SLC35F1: variants seen among roughly 807,000 people sequenced by gnomAD.
SLC35F1 encodes the protein solute carrier family 35 member F1.
SLC35F1 carries 14 observed loss-of-function variants against 48.7 expected under a neutral mutation model. The ratio of observed to expected loss-of-function variants is 0.29; its 90% CI spans 0.19 to 0.45. The LOEUF (loss-of-function observed/expected upper bound fraction) is 0.45, where lower values mean the gene tolerates loss of function less well. Among genes scored for constraint, SLC35F1 ranks in the 20% least tolerant of loss-of-function variants. SLC35F1 has a pLI of 1.00. For synonymous variants in SLC35F1, 190 were observed against 202.2 expected (o/e 0.94, Z 0.51); for missense variants, 404 against 500.0 (o/e 0.81, Z 1.83).
At chr6:118,024,697 G>A (rs1006754655) in intron 1 of SLC35F1, among the ~76,000 whole-genome samples, 1 of 152,088 alleles carries the variant, frequency 6.6e-6, no homozygotes, top group Admixed American at 6.6e-5. Flanking sequence ...GAAATCACAT[G>A]AAATATTAAG....
chr6:117,942,438 T>C (rs764537268), intron 1 of SLC35F1, among the ~76,000 whole-genome samples: 1 of 152,350 alleles, frequency 6.6e-6, no homozygotes, highest in Non-Finnish European at 1.5e-5. Context: ...TTTTTAAAAC[T>C]TAATTAACAC....
rs544265205 is a variant in SLC35F1 at position 117,950,123 on chromosome 6, G to T, written c.173+42224G>T. Among the ~76,000 whole-genome samples the T allele has an allele frequency of 3.9e-5, 6 of 152,148 alleles. No homozygotes were observed. In the South Asian group the frequency reaches 1.2e-3, roughly 32 times the overall value. ...CTTGTTCTTTGGGGTGTTGTTTCTG[G>T]CCGTGGATTATTCATTTTCTTTAAT... On this transcript the variant is annotated intron_variant, in intron 1 of 7. Coordinates refer to ENST00000360388, the MANE Select transcript of SLC35F1 (RefSeq NM_001029858.4).
intron 1 of SLC35F1, among the ~76,000 whole-genome samples, chr6:118,054,395 A>G (rs921406761): frequency 1.3e-5 from 2 of 152,212 alleles, no homozygotes; most frequent in East Asian, 1.9e-4. Context: ...ATATATCATA[A>G]TGCAATTTCA....
intron 1 of SLC35F1, among the ~76,000 whole-genome samples, chr6:118,103,254 T>C (rs1773283019): frequency 3.3e-5 from 1 of 29,982 alleles, no homozygotes; most frequent in East Asian, 2.3e-3. Flanking sequence ...ACTGAGAACA[T>C]TTATTTATTT....
In SLC35F1 at chr6:118,315,480, C is replaced by T. The variant is rs920740375; in HGVS notation, c.*1228C>T. 4.1e-5 allele frequency: 6 copies of T among 146,826 alleles called. No homozygotes were observed. The highest frequency in any genetic ancestry group is 5.9e-5 in the Non-Finnish European group (4 of 67,254). The allele number at this position is 146,826 out of a possible 1,614,324, so 9.1% of individuals were successfully genotyped here. The stretch of plus-strand genomic sequence containing the variant: ...TTTGAGACGGAGTCTCACTCTGTCG[C>T]CCAGGCTGGAGTGCGGTGGCACGAT... On this transcript the variant is annotated 3_prime_UTR_variant, in exon 8 of 8. Coordinates refer to ENST00000360388, the MANE Select transcript of SLC35F1 (RefSeq NM_001029858.4).
At chr6:118,005,712 G>A (rs371952810) in intron 1 of SLC35F1, among the ~76,000 whole-genome samples, 83 of 152,198 alleles carry the variant, frequency 5.5e-4, no homozygotes, top group African/African-American at 1.3e-3. Context: ...CAATAAATAA[G>A]TATGCATTTG....
At chr6:117,925,217 C>T (rs1255093532) in intron 1 of SLC35F1, among the ~76,000 whole-genome samples, 1 of 152,048 alleles carries the variant, frequency 6.6e-6, no homozygotes, top group Non-Finnish European at 1.5e-5. Flanking sequence ...GAGTCCAGGG[C>T]ATGGAGATTG....
chr6:118,226,053 A>G (rs1004643948), intron 2 of SLC35F1, among the ~76,000 whole-genome samples: 1 of 152,212 alleles, frequency 6.6e-6, no homozygotes, highest in African/African-American at 2.4e-5. Context: ...TGATTTTAAA[A>G]TGGGAAAAGA....
intron 2 of SLC35F1, among the ~76,000 whole-genome samples, 156 bp downstream of exon 2, chr6:118,154,776 T>C (rs1774115386): frequency 6.6e-6 from 1 of 152,200 alleles, no homozygotes; most frequent in Admixed American, 6.5e-5. Flanking sequence ...GTAAACAAAA[T>C]GAGTGAATAA....
chr6:118,142,516 C>A (rs558787291), intron 1 of SLC35F1, among the ~76,000 whole-genome samples: 1 of 151,970 alleles, frequency 6.6e-6, no homozygotes. Context: ...TTGCCTTTTT[C>A]TCTGTTAAGC....
intron 7 of SLC35F1, among the ~76,000 whole-genome samples, chr6:118,308,875 G>T (rs1435817158): frequency 6.6e-6 from 1 of 152,116 alleles, no homozygotes; most frequent in Non-Finnish European, 1.5e-5. Flanking sequence ...TCAATGGCAG[G>T]CTTATATCCA....
intron 1 of SLC35F1, among the ~76,000 whole-genome samples, chr6:118,005,321 G>A (rs1777159907): frequency 6.6e-6 from 1 of 152,126 alleles, no homozygotes; most frequent in Non-Finnish European, 1.5e-5. Flanking sequence ...AGAAATTGTG[G>A]GGGCCATTGA....
chr6:117,989,356 C>A (rs1338851205), intron 1 of SLC35F1, among the ~76,000 whole-genome samples: 1 of 152,204 alleles, frequency 6.6e-6, no homozygotes, highest in Non-Finnish European at 1.5e-5. Flanking sequence ...AAGACTGTCA[C>A]CAGTGGAGGA....
intron 1 of SLC35F1, among the ~76,000 whole-genome samples, chr6:118,134,288 G>C (rs1773760377): frequency 1.4e-5 from 2 of 143,526 alleles, no homozygotes; most frequent in Non-Finnish European, 3.1e-5. Context: ...AAAGTAATTT[G>C]GCTGCATCTT....
At chr6:118,278,514 C>T (rs1775944702) in intron 6 of SLC35F1, among the ~76,000 whole-genome samples, 1 of 152,242 alleles carries the variant, frequency 6.6e-6, no homozygotes, top group South Asian at 2.1e-4. Context: ...ACATCATTCC[C>T]TCTGAAGGCA....
chr6:118,149,271 G>C (rs540217481), intron 1 of SLC35F1, among the ~76,000 whole-genome samples: 6 of 152,264 alleles, frequency 3.9e-5, no homozygotes, highest in Admixed American at 3.3e-4. Flanking sequence ...AAGGACCACA[G>C]ATCTACCATA....
intron 1 of SLC35F1, 108 bp downstream of exon 1, chr6:117,908,007 C>A: frequency 9.1e-7 from 1 of 1,095,992 alleles, no homozygotes; most frequent in Non-Finnish European, 1.2e-6. Flanking sequence ...GACGGGGTTG[C>A]GGCCGGAGGA....
At chr6:118,255,031 C>G (rs281865) in intron 3 of SLC35F1, among the ~76,000 whole-genome samples, 15,302 of 152,216 alleles carry the variant, frequency 0.1, 942 homozygotes, top group African/African-American at 0.16. Context: ...AGTTTTCTCT[C>G]TCTTGCATGG....
intron 1 of SLC35F1, among the ~76,000 whole-genome samples, chr6:117,937,910 G>T (rs1026149729): frequency 1.3e-5 from 2 of 152,074 alleles, no homozygotes; most frequent in Admixed American, 6.5e-5. Flanking sequence ...TAGAAGAGAA[G>T]AGTTAGGTCA....
Sources: allele counts gnomAD v4.1 joint callset (sites outside exome capture counted in the v4.1 genomes callset), GRCh38; gene constraint gnomAD v4.1.1; transcripts MANE v1.5; gene names NCBI Gene and HGNC (gene_info 2026-07-23, HGNC 2026-07-21).